ROBO2: variants seen among roughly 807,000 people sequenced by gnomAD.
The protein encoded by ROBO2 is roundabout guidance receptor 2.
In ROBO2, 53 loss-of-function variants were observed where a neutral mutation model predicts 160.8. The ratio of observed to expected loss-of-function variants is 0.33; its 90% CI spans 0.26 to 0.41. The LOEUF (loss-of-function observed/expected upper bound fraction) is 0.41, where lower values mean the gene tolerates loss of function less well. ROBO2 is among the 10% of genes least tolerant of loss of function. The pLI is 1.00. For synonymous variants in ROBO2, 664 were observed against 611.7 expected, an observed-to-expected ratio of 1.09 and a Z score of -1.26; for missense variants, 1,577 against 1,722.4, an observed-to-expected ratio of 0.92 and a Z score of 1.49.
intron 2 of ROBO2, among the ~76,000 whole-genome samples, chr3:76,230,180 C>T (rs1173526641): frequency 6.6e-6 from 1 of 152,084 alleles, no homozygotes; most frequent in Admixed American, 6.6e-5. Context: ...TTACATCACC[C>T]CCTCCACTGA....
At chr3:76,764,824 T>C (rs1263470994) in intron 2 of ROBO2, among the ~76,000 whole-genome samples, 1 of 151,724 alleles carries the variant, frequency 6.6e-6, no homozygotes, top group Non-Finnish European at 1.5e-5. Context: ...TCTGTTACAG[T>C]ACACTTAGCA....
chr3:77,077,530 G>T (rs1439179144), intron 1 of ROBO2, among the ~76,000 whole-genome samples: 1 of 152,158 alleles, frequency 6.6e-6, no homozygotes, highest in Non-Finnish European at 1.5e-5. Context: ...GTTAAAGTGG[G>T]TGATTGCTGG....
At chr3:77,616,275 A>G (rs1348121040) in intron 21 of ROBO2, among the ~76,000 whole-genome samples, 2 of 152,148 alleles carry the variant, frequency 1.3e-5, no homozygotes, top group Non-Finnish European at 2.9e-5. Context: ...AGAAAAATAT[A>G]GTATATGGAT....
chr3:76,259,951 C>T (rs1236526196), intron 2 of ROBO2, among the ~76,000 whole-genome samples: 5 of 152,066 alleles, frequency 3.3e-5, no homozygotes, highest in Admixed American at 1.3e-4. Flanking sequence ...CAGGGTAAAA[C>T]CTAGACTTTT....
At chr3:76,491,055 G>A (rs2079793931) in intron 2 of ROBO2, among the ~76,000 whole-genome samples, 1 of 151,946 alleles carries the variant, frequency 6.6e-6, no homozygotes, top group Non-Finnish European at 1.5e-5. Context: ...CGCCTCCCAG[G>A]TTCAAACGAT....
chr3:76,272,952 T>A (rs1437663524), intron 2 of ROBO2, among the ~76,000 whole-genome samples: 1 of 23,894 alleles, frequency 4.2e-5, no homozygotes, highest in Non-Finnish European at 1.7e-4. Context: ...ATAAAATATA[T>A]AATATATATT....
intron 2 of ROBO2, among the ~76,000 whole-genome samples, chr3:77,476,241 T>C (rs2083979025): frequency 6.6e-6 from 1 of 152,100 alleles, no homozygotes; most frequent in African/African-American, 2.4e-5. Context: ...GTGGGTCTCA[T>C]TATAGGACAC....
chr3:77,287,602 A>C (rs2060697564), intron 2 of ROBO2, among the ~76,000 whole-genome samples: 1 of 152,192 alleles, frequency 6.6e-6, no homozygotes, highest in Non-Finnish European at 1.5e-5. Context: ...ACTTAAGGAA[A>C]CATTCAGCAA....
At position 77,379,286 on chromosome 3, in the gene ROBO2, C is replaced by A. The variant is rs375348844; in HGVS notation, c.389-98128C>A. Among the ~76,000 whole-genome samples, 135 of 152,214 alleles carry A rather than the reference C, an allele frequency of 8.9e-4. 1 individual carries two copies. Among genetic ancestry groups the A allele is most frequent in the African/African-American group, 3.2e-3 (132 of 41,542 alleles). On this transcript the variant is annotated intron_variant, in intron 2 of 25. Transcript: ENST00000461745. ...TACATAACTTAGTTAAGGTACTTAC[C>A]AATACATGCATGCCTTTTGTTAATC...
chr3:77,574,665 G>A lies in ROBO2; in HGVS notation c.2138G>A (p.Arg713Gln), dbSNP rs760217591. 8.7e-6 allele frequency: 14 copies of A among 1,613,248 alleles called. No individual in the cohort carries two copies. The highest frequency in any genetic ancestry group is 2.2e-5 in the East Asian group (1 of 44,816). Residue 713 changes from arginine (R) to glutamine (Q), a missense_variant, in exon 14 of 26, where the codon CGG becomes CAG. By Grantham distance (43) the Arg-to-Gln change is conservative. Around this residue, in one of 2 missense-constraint regions of ROBO2, gnomAD observed 940 missense variants for 1,135.5 expected, o/e 0.83. Coordinates refer to ENST00000461745, the Ensembl canonical transcript of ROBO2. Reference sequence around the variant, plus strand: ...GGGGTGACTTATGAAATTAAAGTACGGCCATATTTTAATGAGTTCCAAGGA... The same window carrying A: ...GGGGTGACTTATGAAATTAAAGTACAGCCATATTTTAATGAGTTCCAAGGA...
intron 2 of ROBO2, among the ~76,000 whole-genome samples, chr3:77,222,018 A>T (rs1323519915): frequency 6.6e-6 from 1 of 151,628 alleles, no homozygotes; most frequent in Non-Finnish European, 1.5e-5. Flanking sequence ...ACTCCCAGCT[A>T]ATTTTTGCGT....
chr3:77,634,962 C>G lies in ROBO2; in HGVS notation c.3853C>G (p.Pro1285Ala), dbSNP rs1431087057. Residue 1285 changes from proline to alanine, a missense_variant, in exon 24 of 26, where the codon CCT (proline) becomes GCT (alanine). Pro to Ala is a conservative substitution (Grantham distance 27). Around this residue, in one of 2 missense-constraint regions of ROBO2, gnomAD observed 637 missense variants for 586.9 expected, o/e 1.09. Transcript: ENST00000461745. ...TGCAGCCCTGAGTCAAAGTCAGAGG[C>G]CTCGGCCCACTAAAAAACACAAGGG... 3 of 1,614,160 alleles carry G rather than the reference C, an allele frequency of 1.9e-6. No homozygotes were observed. In the Admixed American group the frequency reaches 5.0e-5, roughly 27 times the overall value.
intron 2 of ROBO2, among the ~76,000 whole-genome samples, chr3:76,439,982 A>T (rs1421976692): frequency 6.6e-6 from 1 of 152,066 alleles, no homozygotes; most frequent in Non-Finnish European, 1.5e-5. Context: ...TTTAACTAAC[A>T]GAATGTGGTA....
chr3:76,399,910 T>C (rs1191952340), intron 2 of ROBO2, among the ~76,000 whole-genome samples: 1 of 151,656 alleles, frequency 6.6e-6, no homozygotes, highest in Non-Finnish European at 1.5e-5. Flanking sequence ...GATAGAAAAA[T>C]ATCCGGCAAA....
chr3:77,062,100 C>G (rs958519725), intron 1 of ROBO2, among the ~76,000 whole-genome samples: 2 of 152,064 alleles, frequency 1.3e-5, no homozygotes, highest in Non-Finnish European at 2.9e-5. Flanking sequence ...TGTTTGGGAT[C>G]CCTTTTGATG....
chr3:77,358,927 G>A (rs982345699), intron 2 of ROBO2, among the ~76,000 whole-genome samples: 4 of 152,160 alleles, frequency 2.6e-5, no homozygotes, highest in Admixed American at 1.3e-4. Context: ...GTCATTGTAG[G>A]AAAATCTGTT....
chr3:76,658,205 G>C (rs1293838008), intron 2 of ROBO2, among the ~76,000 whole-genome samples: 1 of 151,408 alleles, frequency 6.6e-6, no homozygotes, highest in African/African-American at 2.4e-5. Context: ...CCAATACCCA[G>C]ACATAGTCAC....
At chr3:77,105,375 C>T (rs1331008970) in intron 2 of ROBO2, among the ~76,000 whole-genome samples, 1 of 152,136 alleles carries the variant, frequency 6.6e-6, no homozygotes, top group Admixed American at 6.6e-5. Flanking sequence ...TGCATTTCTA[C>T]AAATGTCAGG....
At chr3:76,058,552 G>A (rs926077819) in intron 2 of ROBO2, among the ~76,000 whole-genome samples, 4 of 132,670 alleles carry the variant, frequency 3.0e-5, no homozygotes, top group African/African-American at 5.8e-5. Flanking sequence ...CTTGATGAAC[G>A]TTGCACATGA....
Sources: allele counts gnomAD v4.1 joint callset (sites outside exome capture counted in the v4.1 genomes callset), GRCh38; gene constraint gnomAD v4.1.1; regional missense constraint gnomAD v4.1.1; transcripts MANE v1.5; gene names NCBI Gene and HGNC (gene_info 2026-07-23, HGNC 2026-07-21).